The following LTA variants were observed in gnomAD, a reference collection of about 807,000 sequenced individuals.
The protein encoded by LTA is lymphotoxin alpha, also known as lymphotoxin-alpha.
Under a neutral mutation model 15.1 loss-of-function variants are expected in LTA, and 6 were observed. The observed-to-expected ratio is 0.40, with a 90% CI of 0.22 to 0.78. The LOEUF (loss-of-function observed/expected upper bound fraction) is 0.78. Ranked by LOEUF, LTA falls within the 30% of genes least tolerant of loss-of-function variation. LTA has a pLI of 0.38. For missense variants in LTA, 173 were observed against 249.5 expected (o/e 0.69, Z 2.06); for synonymous variants, 87 against 107.3 (o/e 0.81, Z 1.17).
At chr6:31,563,989 G>A in the LTA span, among the ~76,000 whole-genome samples, 4 of 152,316 alleles carry the variant, frequency 2.6e-5, no homozygotes, top group East Asian at 7.7e-4. Flanking sequence ...GCAAAACCAG[G>A]AAAGCAGAAG....
the LTA span, among the ~76,000 whole-genome samples, chr6:31,561,419 C>A: frequency 6.6e-6 from 1 of 152,140 alleles, no homozygotes; most frequent in Non-Finnish European, 1.5e-5. Flanking sequence ...GCACCTCACT[C>A]CTGTAATCAC....
chr6:31,563,272 CAAG>C, the LTA span, among the ~76,000 whole-genome samples: 1 of 151,750 alleles, frequency 6.6e-6, no homozygotes, highest in Non-Finnish European at 1.5e-5. Context: ...GTCTTGGAAA[CAAG>C]AAAAAGTACT....
chr6:31,562,108 G>A, the LTA span, among the ~76,000 whole-genome samples: 4 of 151,692 alleles, frequency 2.6e-5, no homozygotes. Flanking sequence ...CAGAGAAGCA[G>A]GGCACGGGGG....
chr6:31,567,707 G>A (rs531908302), upstream of LTA, among the ~76,000 whole-genome samples: 617 of 145,480 alleles, frequency 4.2e-3, 4 homozygotes, highest in Middle Eastern at 0.035. Context: ...ACACTCTGAC[G>A]ACCTTTAAAG....
chr6:31,563,897 G>A, the LTA span, among the ~76,000 whole-genome samples: 3 of 152,172 alleles, frequency 2.0e-5, no homozygotes, highest in East Asian at 3.9e-4. Context: ...TGTGAGCTAC[G>A]GTGCCCGGCG....
At chr6:31,573,092 T>G in intron 3 of LTA, 59 bp downstream of exon 3, 1 of 1,456,168 alleles carries the variant, frequency 6.9e-7, no homozygotes, top group East Asian at 2.3e-5. Context: ...TACCCCTGCC[T>G]CAGGAACCCA....
chr6:31,560,804 C>T, the LTA span, among the ~76,000 whole-genome samples: 1 of 152,140 alleles, frequency 6.6e-6, no homozygotes, highest in Non-Finnish European at 1.5e-5. Flanking sequence ...GGAAAAGGAT[C>T]TGGGAGGGAC....
At chr6:31,566,045 G>A in the LTA span, among the ~76,000 whole-genome samples, 1 of 151,904 alleles carries the variant, frequency 6.6e-6, no homozygotes, top group Admixed American at 6.6e-5. Flanking sequence ...AGGCACGGTG[G>A]CGCATGCCTG....
At chr6:31,564,102 C>G in the LTA span, among the ~76,000 whole-genome samples, 1 of 152,104 alleles carries the variant, frequency 6.6e-6, no homozygotes, top group Non-Finnish European at 1.5e-5. Flanking sequence ...ATTCAGAGAT[C>G]AAGATCTTGA....
At chr6:31,561,048 G>A in the LTA span, among the ~76,000 whole-genome samples, 1 of 152,320 alleles carries the variant, frequency 6.6e-6, no homozygotes, top group South Asian at 2.1e-4. Flanking sequence ...GGTTCACTAG[G>A]TGGAGGTGGA....
chr6:31,567,382 T>C (rs780151991), upstream of LTA, among the ~76,000 whole-genome samples: 3 of 151,870 alleles, frequency 2.0e-5, no homozygotes, highest in African/African-American at 4.8e-5. Flanking sequence ...ATAGACCCTG[T>C]CTCAACAAAA....
At chr6:31,568,918 G>A (rs537202130), upstream of LTA, among the ~76,000 whole-genome samples, 2 of 151,968 alleles carry the variant, frequency 1.3e-5, no homozygotes, top group African/African-American at 4.8e-5. This position sits in a 1 kb window ranked among gnomAD's most constrained non-coding sequence, Gnocchi z 4.1. Context: ...GTCTTTCAAT[G>A]TCCCATTCTT....
chr6:31,563,389 T>C, the LTA span, among the ~76,000 whole-genome samples: 1 of 152,076 alleles, frequency 6.6e-6, no homozygotes. Flanking sequence ...TATTAATAGA[T>C]GAGAGTGAAG....
chr6:31,561,254 A>G, the LTA span, among the ~76,000 whole-genome samples: 1 of 152,180 alleles, frequency 6.6e-6, no homozygotes, highest in Non-Finnish European at 1.5e-5. Context: ...GTGACGATGA[A>G]AAAGAGGGAG....
chr6:31,570,731 C>G (rs1039980301), upstream of LTA, among the ~76,000 whole-genome samples: 2 of 152,118 alleles, frequency 1.3e-5, no homozygotes, highest in Non-Finnish European at 2.9e-5. Flanking sequence ...AAAAACATTA[C>G]TGATACATAC....
chr6:31,561,867 T>G, the LTA span, among the ~76,000 whole-genome samples: 1 of 151,948 alleles, frequency 6.6e-6, no homozygotes, highest in African/African-American at 2.4e-5. Context: ...AATAAAGTGC[T>G]CAATGAAGGT....
At chr6:31,562,236 A>T in the LTA span, among the ~76,000 whole-genome samples, 2 of 151,990 alleles carry the variant, frequency 1.3e-5, no homozygotes, top group African/African-American at 4.8e-5. Flanking sequence ...TTTTGAGAAA[A>T]CCGTTTCCAT....
chr6:31,572,302 G>T lies in LTA; in HGVS notation c.-154G>T. On this transcript the variant is annotated 5_prime_UTR_variant, in exon 1 of 4. It adds an upstream start codon to the 5' untranslated region. Coordinates refer to ENST00000418386, the MANE Select transcript of LTA (RefSeq NM_000595.4). ...CCGGGCCCAGGGGCTCCGCACAGCA[G>T]GTGAGGCTCTCCTGCCCCATCTCCT... 4.1e-6 allele frequency: 1 copy of T among 246,726 alleles called. No homozygotes were observed. Among genetic ancestry groups the T allele is most frequent in the Non-Finnish European group, 7.8e-6 (1 of 127,690 alleles). 15.3% of individuals were successfully genotyped at this position (246,726 alleles called of 1,614,324 possible).
chr6:31,569,990 T>A (rs1007501247), upstream of LTA, among the ~76,000 whole-genome samples: 3 of 152,180 alleles, frequency 2.0e-5, no homozygotes, highest in East Asian at 1.9e-4. Flanking sequence ...ATACTCCTTT[T>A]GTTCAATTAC....
Sources: gnomAD v4.1 joint callset for allele counts (sites outside exome capture counted in the v4.1 genomes callset) on GRCh38, gnomAD v4.1.1 for gene constraint, Gnocchi (gnomAD v3.1) non-coding constraint, MANE v1.5 for transcripts, NCBI Gene and HGNC (gene_info 2026-07-23, HGNC 2026-07-21) for gene names.